Variants in FGF12 observed in about 807,000 individuals in gnomAD.
FGF12 encodes fibroblast growth factor 12, also known as fibroblast growth factor 12B.
A neutral mutation model predicts 23.6 loss-of-function variants in FGF12; 14 were observed. That is an observed-to-expected ratio of 0.59 (90% CI 0.39 to 0.93). FGF12 has a LOEUF of 0.93. Among genes scored for constraint, FGF12 ranks in the 40% least tolerant of loss-of-function variants. FGF12 has a pLI of 0.00. For missense variants in FGF12, 175 were observed against 217.8 expected (o/e 0.80, Z 1.24); for synonymous variants, 62 against 77.3 (o/e 0.80, Z 1.04).
intron 2 of FGF12, among the ~76,000 whole-genome samples, chr3:192,477,113 C>A (rs1332741288): frequency 6.6e-6 from 1 of 152,200 alleles, no homozygotes; most frequent in South Asian, 2.1e-4. Context: ...GAGGGGCTAC[C>A]CAAATCCAGG....
intron 3 of FGF12, among the ~76,000 whole-genome samples, chr3:192,345,573 G>T (rs1290568491): frequency 1.1e-5 from 1 of 93,134 alleles, no homozygotes; most frequent in African/African-American, 8.4e-5. Flanking sequence ...TGTAGTCCCA[G>T]CTACTCGGGA....
chr3:192,615,131 C>T (rs1444306249), intron 2 of FGF12, among the ~76,000 whole-genome samples: 2 of 151,900 alleles, frequency 1.3e-5, no homozygotes, highest in Admixed American at 6.6e-5. Flanking sequence ...TTTGCCTTCA[C>T]GGAGTTTACA....
chr3:192,354,151 C>T (rs1718358816), intron 3 of FGF12, among the ~76,000 whole-genome samples: 1 of 152,096 alleles, frequency 6.6e-6, no homozygotes, highest in Non-Finnish European at 1.5e-5. Context: ...AGACACAGAA[C>T]ATTTTGAAAT....
At chr3:192,275,883 G>A (rs1258819288) in intron 4 of FGF12, among the ~76,000 whole-genome samples, 1 of 152,108 alleles carries the variant, frequency 6.6e-6, no homozygotes, top group African/African-American at 2.4e-5. Flanking sequence ...CAACCTCCCA[G>A]CTAAGGATAT....
chr3:192,262,064 G>A (rs1415700622), intron 4 of FGF12, among the ~76,000 whole-genome samples: 1 of 152,144 alleles, frequency 6.6e-6, no homozygotes, highest in Non-Finnish European at 1.5e-5. Flanking sequence ...AAGGGAGACA[G>A]CAGGCTCTTA....
chr3:192,687,354 C>G (rs1278636833), intron 2 of FGF12, among the ~76,000 whole-genome samples: 2 of 151,888 alleles, frequency 1.3e-5, no homozygotes, highest in African/African-American at 2.4e-5. Flanking sequence ...TGAAGACTCT[C>G]ACGCCCCACA....
chr3:192,622,758 T>A (rs2108649032), intron 2 of FGF12, among the ~76,000 whole-genome samples: 1 of 152,254 alleles, frequency 6.6e-6, no homozygotes, highest in Non-Finnish European at 1.5e-5. Context: ...CTTTTCTTCA[T>A]CAGGTGAGGA....
chr3:192,466,852 A>T (rs982121919), intron 2 of FGF12, among the ~76,000 whole-genome samples: 4 of 152,324 alleles, frequency 2.6e-5, no homozygotes, highest in Admixed American at 6.5e-5. Context: ...CATTATAACT[A>T]GTTCCCTCAA....
intron 2 of FGF12, among the ~76,000 whole-genome samples, chr3:192,423,813 G>A (rs891655813): frequency 6.6e-6 from 1 of 152,112 alleles, no homozygotes; most frequent in African/African-American, 2.4e-5. Context: ...ACAAAAGCTA[G>A]TAGGTACAAA....
chr3:192,255,162 G>T (rs1712305098), intron 4 of FGF12, among the ~76,000 whole-genome samples: 1 of 151,904 alleles, frequency 6.6e-6, no homozygotes, highest in African/African-American at 2.4e-5. Context: ...TCTCATAAAA[G>T]GCTACAGGAA....
chr3:192,707,469 T>C (rs1440622957), intron 2 of FGF12, among the ~76,000 whole-genome samples: 1 of 152,112 alleles, frequency 6.6e-6, no homozygotes, highest in East Asian at 1.9e-4. Flanking sequence ...GAACAATAGC[T>C]GGGTGCGGTG....
chr3:192,513,308 C>A (rs964491815), intron 2 of FGF12, among the ~76,000 whole-genome samples: 2 of 151,982 alleles, frequency 1.3e-5, no homozygotes, highest in African/African-American at 2.4e-5. Context: ...TTAGTACTTA[C>A]AAATATAATG....
At chr3:192,428,364 C>T (rs570190275) in intron 2 of FGF12, among the ~76,000 whole-genome samples, 104 of 152,200 alleles carry the variant, frequency 6.8e-4, no homozygotes, top group Middle Eastern at 6.8e-3. Context: ...GGAAACAGTT[C>T]ACATGTATGA....
At chr3:192,707,346 G>C in intron 2 of FGF12, among the ~76,000 whole-genome samples, 1 of 152,252 alleles carries the variant, frequency 6.6e-6, no homozygotes, top group Middle Eastern at 3.4e-3. Context: ...GGAGCTGACC[G>C]AGAATGGCAC....
intron 2 of FGF12, among the ~76,000 whole-genome samples, chr3:192,567,282 G>A (rs1712339148): frequency 1.3e-5 from 2 of 151,938 alleles, no homozygotes; most frequent in African/African-American, 4.8e-5. Flanking sequence ...AAAAATCTAA[G>A]GCTTTTTTAA....
chr3:192,443,974 A>C (rs1254076831), intron 2 of FGF12, among the ~76,000 whole-genome samples: 2 of 152,188 alleles, frequency 1.3e-5, no homozygotes, highest in Non-Finnish European at 2.9e-5. Flanking sequence ...GGGCTTATCC[A>C]GGACTTACAG....
intron 5 of FGF12, among the ~76,000 whole-genome samples, chr3:192,151,293 T>C (rs1450937214): frequency 1.5e-5 from 2 of 136,614 alleles, no homozygotes; most frequent in African/African-American, 2.8e-5. Context: ...CTTTTCCTAA[T>C]TGAATACCCT....
At position 192,717,308 on chromosome 3, in the gene FGF12, C is replaced by G. The variant is rs141214274; in HGVS notation, c.13+9873G>C. Among the ~76,000 whole-genome samples, 104 of 152,258 alleles carry G rather than the reference C, an allele frequency of 6.8e-4. 1 individual carries two copies. The East Asian group carries it at 9.1e-3, about 13-fold the overall frequency. On this transcript the variant is annotated intron_variant, in intron 2 of 5. Coordinates refer to ENST00000445105, the MANE Select transcript of FGF12 (RefSeq NM_004113.6). ...GGGCAAATTACTTAACATCTCTATGCTTGACTTTTCTCATCCCTGAAATAG... is the reference window on the plus strand; with the variant it reads ...GGGCAAATTACTTAACATCTCTATGGTTGACTTTTCTCATCCCTGAAATAG...
At chr3:192,462,992 G>C (rs907726780) in intron 2 of FGF12, among the ~76,000 whole-genome samples, 2 of 152,154 alleles carry the variant, frequency 1.3e-5, no homozygotes, top group Non-Finnish European at 2.9e-5. Context: ...ATGCTATTGT[G>C]TCAAGTGAAA....
Sources: gnomAD v4.1 joint callset for allele counts (sites outside exome capture counted in the v4.1 genomes callset) on GRCh38, gnomAD v4.1.1 for gene constraint, MANE v1.5 for transcripts, NCBI Gene and HGNC (gene_info 2026-07-23, HGNC 2026-07-21) for gene names.